The following GDF5 variants were observed in gnomAD, a reference collection of about 807,000 sequenced individuals.
GDF5 encodes the protein growth differentiation factor 5, also known as growth/differentiation factor 5.
Under a neutral mutation model 34.6 loss-of-function variants are expected in GDF5, and 17 were observed. That is an observed-to-expected ratio of 0.49 (90% confidence interval 0.34 to 0.74). GDF5 has a LOEUF of 0.74. Among genes scored for constraint, GDF5 ranks in the 30% least tolerant of loss-of-function variants. The pLI is 0.01. For missense variants in GDF5, 616 were observed against 661.2 expected (o/e 0.93, Z 0.75); for synonymous variants, 332 against 290.7 (o/e 1.14, Z -1.44).
chr20:35,442,989 A>T (rs1333696093), upstream of GDF5, among the ~76,000 whole-genome samples: 1 of 152,222 alleles, frequency 6.6e-6, no homozygotes, highest in Non-Finnish European at 1.5e-5. Context: ...GGCACTGGGG[A>T]AAGTTACAGT....
chr20:35,451,447 C>G (rs888111702), intron 1 of GDF5, among the ~76,000 whole-genome samples: 2 of 152,100 alleles, frequency 1.3e-5, no homozygotes, highest in Non-Finnish European at 2.9e-5. Flanking sequence ...TGAACATGAT[C>G]AGACTTGAAT....
At chr20:35,450,557 C>T (rs2146591709) in intron 1 of GDF5, among the ~76,000 whole-genome samples, 1 of 152,140 alleles carries the variant, frequency 6.6e-6, no homozygotes, top group East Asian at 1.9e-4. Context: ...TTCTGGGCCT[C>T]GCAGATGTTT....
At chr20:35,435,798 T>C (rs2062469880) in intron 1 of GDF5, among the ~76,000 whole-genome samples, 1 of 152,200 alleles carries the variant, frequency 6.6e-6, no homozygotes, top group African/African-American at 2.4e-5. Context: ...ATTGGGTTCA[T>C]ATGTGAATAT....
At chr20:35,451,092 T>TATATAC (rs1555824851) in intron 1 of GDF5, among the ~76,000 whole-genome samples, 5 of 133,580 alleles carry the variant, frequency 3.7e-5, no homozygotes, top group Non-Finnish European at 6.6e-5. Context: ...TATATATATA[T>TATATAC]ACACAAATAT....
chr20:35,445,925 C>T (rs999443125), intron 1 of GDF5, among the ~76,000 whole-genome samples: 17 of 148,636 alleles, frequency 1.1e-4, no homozygotes, highest in Admixed American at 4.0e-4. Context: ...GCTGAGATCG[C>T]GCCATTGCAC....
At chr20:35,440,399 C>T (rs933597209), upstream of GDF5, among the ~76,000 whole-genome samples, 3 of 152,044 alleles carry the variant, frequency 2.0e-5, no homozygotes, top group African/African-American at 7.2e-5. Context: ...TGGCATCCCT[C>T]CCTTCACTCC....
At chr20:35,441,246 G>T (rs1435873460), upstream of GDF5, 2 of 152,120 alleles carry the variant, frequency 1.3e-5, no homozygotes, top group Admixed American at 1.3e-4. Flanking sequence ...CAGGACTCTT[G>T]TTGGAGATTC....
At chr20:35,439,273 TGTCGAGTGCA>T (rs1477007363), upstream of GDF5, among the ~76,000 whole-genome samples, 5 of 148,578 alleles carry the variant, frequency 3.4e-5, no homozygotes, top group Admixed American at 1.4e-4. Context: ...AGTCTCGCTC[TGTCGAGTGCA>T]GTGGCATGAT....
chr20:35,433,766 A>G lies in GDF5; in HGVS notation c.*143T>C, dbSNP rs2062453344. The G allele has an allele frequency of 3.8e-6, 3 of 796,284 alleles. No homozygotes were observed. The highest frequency in any genetic ancestry group is 6.6e-6 in the Non-Finnish European group (3 of 452,010). 49.3% of individuals were successfully genotyped at this position (796,284 alleles called of 1,614,324 possible). A position where few individuals can be genotyped will look rare whatever the true frequency, so the allele number is the denominator to read the frequency against. On this transcript the variant is annotated 3_prime_UTR_variant, in exon 2 of 2. Transcript: ENST00000374369. ...GGCCTTTAGCCCAAGTCACACTCAG[A>G]GAGCGAGCAAGCTTATTGGAATCCC...
At chr20:35,435,449 C>T (rs1336527658) in intron 1 of GDF5, 1 of 55,734 alleles carries the variant, frequency 1.8e-5, no homozygotes, top group Admixed American at 3.5e-4. Flanking sequence ...AAGACCCTGG[C>T]TAAAAAAAAA....
intron 1 of GDF5, among the ~76,000 whole-genome samples, chr20:35,437,001 A>C: frequency 6.6e-6 from 1 of 152,182 alleles, no homozygotes. Flanking sequence ...CAAGTCTCGG[A>C]ATCTGGTCTC....
At position 35,434,603 on chromosome 20, in the gene GDF5, C is replaced by T. The variant is rs753778433; in HGVS notation, c.812G>A (p.Gly271Asp). 6.3e-7 allele frequency: 1 copy of T among 1,591,542 alleles called. No individual in the cohort carries two copies. Among genetic ancestry groups the T allele is most frequent in the Non-Finnish European group, 8.6e-7 (1 of 1,167,248 alleles). Reference protein sequence around the residue: ...AQLKLSSCPSGRQPAALLDVR... With the variant: ...AQLKLSSCPSDRQPAALLDVR... ...ATCCAGCAAGGCGGCCGGCTGCCGG[C>T]CGCTGGGGCAGCTGGACAGCTTCAG... Residue 271 changes from glycine to aspartate, a missense_variant, in exon 2 of 2, where the codon GGC (glycine) becomes GAC (aspartate). Transcript: ENST00000374369.
chr20:35,433,582 C>CCCAGG lies in GDF5; in HGVS notation c.*322_*326dup. The CCCAGG allele has an allele frequency of 5.1e-6, 2 of 394,880 alleles. No homozygotes were observed. Among genetic ancestry groups the CCCAGG allele is most frequent in the Non-Finnish European group, 4.8e-6 (1 of 206,464 alleles). 24.5% of individuals were successfully genotyped at this position (394,880 alleles called of 1,614,324 possible). A position where few individuals can be genotyped will look rare whatever the true frequency, so the allele number is the denominator to read the frequency against. On this transcript the variant is annotated 3_prime_UTR_variant, in exon 2 of 2. Transcript: ENST00000374369. ...TAGGAGAGTCCAGAGGCTGAGAAGG[C>CCCAGG]CCAGGTGAGGAGAAATGGTGGGCTG... is the stretch of plus-strand genomic sequence containing the variant.
upstream of GDF5, among the ~76,000 whole-genome samples, chr20:35,439,373 C>G (rs2062489818): frequency 6.6e-6 from 1 of 151,792 alleles, no homozygotes; most frequent in Non-Finnish European, 1.5e-5. Flanking sequence ...GACTACAGGC[C>G]CCTGCCACCA....
At chr20:35,444,574 G>C (rs1443639249) in intron 1 of GDF5, among the ~76,000 whole-genome samples, 1 of 152,048 alleles carries the variant, frequency 6.6e-6, no homozygotes, top group Non-Finnish European at 1.5e-5. Context: ...GCCCTGGAAA[G>C]GGAGCTGGAT....
chr20:35,436,398 C>T (rs886806290), intron 1 of GDF5, among the ~76,000 whole-genome samples: 2 of 151,900 alleles, frequency 1.3e-5, no homozygotes, highest in Admixed American at 6.6e-5. Flanking sequence ...CCTCCCCCAC[C>T]CTGCCAGCCT....
In GDF5 at chr20:35,452,425, A is replaced by G. The variant is rs1206069898; in HGVS notation, c.-398+2215T>C. Among the ~76,000 whole-genome samples the G allele has an allele frequency of 4.6e-5, 7 of 152,086 alleles. No homozygotes were observed. The East Asian group carries it at 1.2e-3, about 25-fold the overall frequency. On this transcript the variant is annotated intron_variant, in intron 1 of 3. Coordinates refer to the GDF5 transcript ENST00000374372. ...GTAGTCTGAAACCTGTTTACTCCTC[A>G]TAGTCTTTTTCTTTGAGATGAACTT... is the stretch of plus-strand genomic sequence containing the variant.
At chr20:35,452,534 T>C (rs911477711) in intron 1 of GDF5, among the ~76,000 whole-genome samples, 3 of 152,226 alleles carry the variant, frequency 2.0e-5, no homozygotes, top group African/African-American at 7.2e-5. Context: ...GTGATTCTCC[T>C]GCCTCAGCCT....
Position 35,437,345 on chromosome 20 carries a change from T to G in GDF5, c.584A>C (p.Glu195Ala). ...RKGGNSSVKL[E>A]AGLANTITSF... ...GGTGATGGTGTTGGCCAGGCCAGCC[T>G]CCAACTTCACGCTGCTGTTGCCTCC... Residue 195 changes from glutamate to alanine, a missense_variant, in exon 1 of 2, where the codon GAG (glutamate) becomes GCG (alanine). Glu to Ala is a moderately radical substitution (Grantham distance 107). Transcript: ENST00000374369. 1 of 1,613,394 alleles carries G rather than the reference T, an allele frequency of 6.2e-7. No homozygotes were observed. The highest frequency in any genetic ancestry group is 8.5e-7 in the Non-Finnish European group (1 of 1,179,610).
Sources: allele counts gnomAD v4.1 joint callset (sites outside exome capture counted in the v4.1 genomes callset), GRCh38; gene constraint gnomAD v4.1.1; transcripts MANE v1.5; gene names NCBI Gene and HGNC (gene_info 2026-07-23, HGNC 2026-07-21).